The following TPCN2 variants were observed in gnomAD, a reference collection of about 807,000 sequenced individuals.
The protein encoded by TPCN2 is two pore segment channel 2.
Under a neutral mutation model 111.4 loss-of-function variants are expected in TPCN2, and 92 were observed. The observed-to-expected ratio is 0.83, with a 90% CI of 0.70 to 0.98. The LOEUF is 0.98. Ranked by LOEUF, TPCN2 falls within the 50% of genes least tolerant of loss-of-function variation. The pLI is 0.00. For missense variants in TPCN2, 995 were observed against 980.1 expected (o/e 1.02, Z -0.20); for synonymous variants, 405 against 414.5 (o/e 0.98, Z 0.28).
In TPCN2 at chr11:69,076,576, CTCT is replaced by C. The variant is rs1206034043; in HGVS notation, c.1231-1905_1231-1903del. ...CTCTGTCCCTCCACCTGCCCTCCTG[CTCT>C]GTCCCTCCACCTGCCCTCCTGCCGT... On this transcript the variant is annotated intron_variant, in intron 13 of 24. Transcript: ENST00000294309. 1.0e-4 allele frequency among the ~76,000 whole-genome samples: 15 copies of C among 149,430 alleles called. 1 individual carries two copies. Among genetic ancestry groups the C allele is most frequent in the Admixed American group, 2.7e-4 (4 of 15,082 alleles).
In TPCN2 at chr11:69,086,542, G is replaced by C. The variant is rs1856284512; in HGVS notation, c.2023G>C (p.Val675Leu). The C allele has an allele frequency of 2.5e-6, 4 of 1,614,060 alleles. No individual in the cohort carries two copies. The highest frequency in any genetic ancestry group is 2.2e-5 in the South Asian group (2 of 91,078). Residue 675 changes from valine to leucine, a missense_variant, in exon 23 of 25, where the codon GTA (valine) becomes CTA (leucine). By Grantham distance (32) the Val-to-Leu change is conservative (BLOSUM62 1). Coordinates refer to ENST00000294309, the MANE Select transcript of TPCN2 (RefSeq NM_139075.4). ...CCGCAGGTGGTCCAAGATCTATTTT[G>C]TATTGTGGTGGCTGGTGTCGTCTGT... ...YSGPWSKIYF[V>L]LWWLVSSVIW... is the part of the protein sequence containing the mutation.
At chr11:69,074,268 A>C (rs553511530) in intron 13 of TPCN2, among the ~76,000 whole-genome samples, 1 of 152,166 alleles carries the variant, frequency 6.6e-6, no homozygotes, top group Admixed American at 6.5e-5. Flanking sequence ...ACTCGTCCCC[A>C]TCCTCACTTC....
chr11:69,074,028 C>T (rs138047982), intron 13 of TPCN2, among the ~76,000 whole-genome samples: 42 of 152,336 alleles, frequency 2.8e-4, no homozygotes, highest in Middle Eastern at 3.4e-3. Context: ...AAGGCCCTGT[C>T]TCCAAATATA....
intron 16 of TPCN2, 124 bp downstream of exon 16, chr11:69,079,144 T>C (rs983662478): frequency 9.0e-5 from 116 of 1,295,622 alleles, no homozygotes; most frequent in Non-Finnish European, 1.2e-4. Flanking sequence ...GGGCTTCTGC[T>C]CTCAGTGGTG....
rs1217741340 is a variant in TPCN2 at position 69,088,080 on chromosome 11, C to T, written c.*127C>T. ...AAGAGACCTTTCCTCTGACGGACCA[C>T]TAAGCTGGGGACAGGAACCAAGTCC... On this transcript the variant is annotated 3_prime_UTR_variant, in exon 25 of 25. Transcript: ENST00000294309. The T allele has an allele frequency of 1.7e-5, 13 of 766,908 alleles. No individual in the cohort carries two copies. The highest frequency in any genetic ancestry group is 2.5e-5 in the Non-Finnish European group (12 of 484,748). The allele number at this position is 766,908 out of a possible 1,614,324, so 47.5% of individuals were successfully genotyped here.
At chr11:69,067,774 C>CT (rs1489171936) in intron 8 of TPCN2, among the ~76,000 whole-genome samples, 169 bp downstream of exon 8, 1 of 152,160 alleles carries the variant, frequency 6.6e-6, no homozygotes. Context: ...CCTATCTCTT[C>CT]TTTTTTTGTC....
Position 69,086,616 on chromosome 11 carries a change from C to T in TPCN2, c.2085+12C>T, listed in dbSNP as rs750133475. ...CCCTGATTCTGGAGGTATCAGAGATCCCCACCCAGGCTGTTCTCCATGGTC... is the reference window on the plus strand; with the variant it reads ...CCCTGATTCTGGAGGTATCAGAGATTCCCACCCAGGCTGTTCTCCATGGTC... On this transcript the variant is annotated intron_variant, in intron 23 of 24. Transcript: ENST00000294309. 3.1e-6 allele frequency: 5 copies of T among 1,612,080 alleles called. No individual in the cohort carries two copies. Among genetic ancestry groups the T allele is most frequent in the Admixed American group, 1.7e-5 (1 of 59,996 alleles).
At chr11:69,052,590 C>T (rs1861278069) in intron 1 of TPCN2, among the ~76,000 whole-genome samples, 1 of 152,098 alleles carries the variant, frequency 6.6e-6, no homozygotes, top group African/African-American at 2.4e-5. Flanking sequence ...TGCAGCAGGG[C>T]CGGGCAGAGT....
intron 8 of TPCN2, 71 bp from the exon 9 acceptor site, chr11:69,070,359 G>C: frequency 8.0e-7 from 1 of 1,249,810 alleles, no homozygotes. Context: ...AAAGCAAATA[G>C]TGTAGCGTCA....
chr11:69,068,192 G>C (rs1245842640), intron 8 of TPCN2, among the ~76,000 whole-genome samples: 1 of 152,216 alleles, frequency 6.6e-6, no homozygotes, highest in African/African-American at 2.4e-5. Flanking sequence ...CAGCCACCCT[G>C]GCTGGTGCCT....
At chr11:69,055,147 T>C (rs764375724) in intron 3 of TPCN2, 28 bp from the exon 4 acceptor site, 8 of 1,609,078 alleles carry the variant, frequency 5.0e-6, no homozygotes, top group Non-Finnish European at 5.9e-6. Context: ...CTGGCTCCTG[T>C]GTTTTCATGT....
intron 5 of TPCN2, among the ~76,000 whole-genome samples, chr11:69,060,374 C>T (rs2134541830): frequency 6.6e-6 from 1 of 152,340 alleles, no homozygotes; most frequent in Non-Finnish European, 1.5e-5. Flanking sequence ...GGCCAGCTGT[C>T]CAGTCATAAA....
intron 1 of TPCN2, among the ~76,000 whole-genome samples, chr11:69,052,488 T>C (rs983059333): frequency 6.6e-6 from 1 of 152,128 alleles, no homozygotes; most frequent in African/African-American, 2.4e-5. Context: ...AGAGCTTCCC[T>C]GGGGAGACAT....
At chr11:69,072,823 C>A in intron 12 of TPCN2, 92 bp from the exon 13 acceptor site, 1 of 1,526,302 alleles carries the variant, frequency 6.6e-7, no homozygotes, top group Non-Finnish European at 9.1e-7. Flanking sequence ...CATTCACAGC[C>A]CGTCAGGGTG....
At chr11:69,086,728 C>T (rs1271511088) in intron 23 of TPCN2, 124 bp downstream of exon 23, 70 of 933,312 alleles carry the variant, frequency 7.5e-5, no homozygotes, top group South Asian at 6.8e-4. Context: ...CTGGGTTAGG[C>T]GGGTCCTGAG....
chr11:69,069,629 TG>T (rs1382598695), intron 8 of TPCN2, among the ~76,000 whole-genome samples: 377 of 78,368 alleles, frequency 4.8e-3, no homozygotes, highest in East Asian at 7.4e-3. Context: ...GTGACCGCAG[TG>T]GGAGCAGGAC....
intron 5 of TPCN2, among the ~76,000 whole-genome samples, chr11:69,058,929 A>G (rs1224911880): frequency 1.3e-5 from 2 of 152,250 alleles, no homozygotes; most frequent in Non-Finnish European, 2.9e-5. Context: ...AAGAATCCTT[A>G]TATGAAATTA....
chr11:69,063,570 C>A (rs994937181), intron 6 of TPCN2, among the ~76,000 whole-genome samples: 12 of 152,128 alleles, frequency 7.9e-5, no homozygotes, highest in African/African-American at 2.9e-4. Context: ...ACGTGCTGAC[C>A]CCTCACCATC....
At chr11:69,079,747 T>G in intron 16 of TPCN2, 87 bp from the exon 17 acceptor site, 2 of 1,273,440 alleles carry the variant, frequency 1.6e-6, no homozygotes, top group Non-Finnish European at 1.1e-6. Context: ...GGAGAATGTG[T>G]TAGAGATGAG....
Sources: gnomAD v4.1 joint callset for allele counts (sites outside exome capture counted in the v4.1 genomes callset) on GRCh38, gnomAD v4.1.1 for gene constraint, MANE v1.5 for transcripts, NCBI Gene and HGNC (gene_info 2026-07-23, HGNC 2026-07-21) for gene names.